The following EYS variants were observed in gnomAD, a reference collection of about 807,000 sequenced individuals.
EYS encodes the protein EGF-like photoreceptor maintenance factor, also known as protein eyes shut homolog.
EYS carries 250 observed loss-of-function variants against 282.1 expected under a neutral mutation model. That is an observed-to-expected ratio of 0.89 (90% CI 0.80 to 0.98). The LOEUF is 0.98. EYS is among the 50% of genes least tolerant of loss of function. EYS has a pLI of 0.00. For synonymous variants in EYS, 1,355 were observed against 1,282.9 expected (o/e 1.06, Z -1.20); for missense variants, 4,016 against 3,709.0 (o/e 1.08, Z -2.15).
At chr6:63,746,519 C>A (rs1279994631) in intron 41 of EYS, among the ~76,000 whole-genome samples, 1 of 152,120 alleles carries the variant, frequency 6.6e-6, no homozygotes, top group Non-Finnish European at 1.5e-5. Flanking sequence ...CCTCTTTGTA[C>A]CTCTGGTAGA....
At position 64,678,814 on chromosome 6, in the gene EYS, G is replaced by A. The variant is rs527247923; in HGVS notation, c.3444-52569C>T. 7.2e-5 allele frequency among the ~76,000 whole-genome samples: 11 copies of A among 151,814 alleles called. No homozygotes were observed. The East Asian group carries it at 9.8e-4, about 13-fold the overall frequency. On this transcript the variant is annotated intron_variant, in intron 22 of 42. Coordinates refer to ENST00000503581, the MANE Select transcript of EYS (RefSeq NM_001142800.2). ...AGCCTGGCCAACATGGTGAAACCCC[G>A]TCTCCACTAAAGACACAAAACAATT...
chr6:64,022,962 T>C (rs144732411), intron 33 of EYS, among the ~76,000 whole-genome samples: 1 of 152,242 alleles, frequency 6.6e-6, no homozygotes, highest in Non-Finnish European at 1.5e-5. Context: ...AGATTTGTCT[T>C]TAATTTTTTA....
intron 24 of EYS, among the ~76,000 whole-genome samples, chr6:64,608,263 G>C (rs1005627716): frequency 2.0e-5 from 3 of 152,026 alleles, no homozygotes; most frequent in Non-Finnish European, 4.4e-5. Context: ...ACAGAAGTAG[G>C]TAATATGTGC....
At chr6:63,954,101 T>G (rs1765712196) in intron 35 of EYS, among the ~76,000 whole-genome samples, 1 of 152,224 alleles carries the variant, frequency 6.6e-6, no homozygotes, top group Admixed American at 6.5e-5. Context: ...GGTCCAGACT[T>G]CAATCCAGCT....
intron 22 of EYS, among the ~76,000 whole-genome samples, chr6:64,769,548 A>T (rs1773462374): frequency 6.6e-6 from 1 of 152,226 alleles, no homozygotes; most frequent in East Asian, 1.9e-4. Context: ...TGGCCTACAT[A>T]GTTCCCACCT....
intron 26 of EYS, among the ~76,000 whole-genome samples, chr6:64,473,298 T>C (rs1041542401): frequency 3.3e-5 from 5 of 152,210 alleles, no homozygotes; most frequent in Non-Finnish European, 7.3e-5. Context: ...GCAAATTTAG[T>C]GGCATACTAA....
At chr6:65,240,752 C>T (rs2150275609) in intron 12 of EYS, among the ~76,000 whole-genome samples, 1 of 152,250 alleles carries the variant, frequency 6.6e-6, no homozygotes, top group East Asian at 1.9e-4. Context: ...CATACAATTG[C>T]ATGTGTCTTT....
chr6:64,672,989 C>G (rs1769519112), intron 22 of EYS, among the ~76,000 whole-genome samples: 1 of 152,142 alleles, frequency 6.6e-6, no homozygotes, highest in Non-Finnish European at 1.5e-5. Context: ...TAGAAACATT[C>G]CTTTTCAACT....
intron 15 of EYS, among the ~76,000 whole-genome samples, chr6:64,945,124 T>TAAAA (rs763133866): frequency 1.3e-4 from 15 of 112,252 alleles, no homozygotes; most frequent in African/African-American, 1.7e-4. Context: ...GTTTCTCTAT[T>TAAAA]AAAAAAAAAA....
chr6:65,449,633 A>AT (rs1764329204), intron 5 of EYS, among the ~76,000 whole-genome samples: 1 of 152,120 alleles, frequency 6.6e-6, no homozygotes, highest in Non-Finnish European at 1.5e-5. Flanking sequence ...AAATCAAACA[A>AT]TTCATTCAAG....
chr6:65,610,412 G>T (rs550433040), intron 2 of EYS, among the ~76,000 whole-genome samples: 35 of 152,104 alleles, frequency 2.3e-4, no homozygotes, highest in African/African-American at 7.9e-4. Context: ...GGGCAGAAAA[G>T]GATACGCAGA....
chr6:65,018,670 T>C (rs1451008143), intron 13 of EYS, among the ~76,000 whole-genome samples: 1 of 152,160 alleles, frequency 6.6e-6, no homozygotes, highest in Non-Finnish European at 1.5e-5. Flanking sequence ...GGTTTTTCTG[T>C]ATGTTGGTTT....
chr6:65,059,510 A>G lies in EYS; in HGVS notation c.2024-1783T>C, dbSNP rs189865099. Among the ~76,000 whole-genome samples, 384 of 152,264 alleles carry G rather than the reference A, an allele frequency of 2.5e-3. 1 individual carries two copies. Among genetic ancestry groups the G allele is most frequent in the African/African-American group, 8.8e-3 (366 of 41,576 alleles). On this transcript the variant is annotated intron_variant, in intron 12 of 42. Transcript: ENST00000503581. ...CCTCCTACAGAGACTGGGAGATTAC[A>G]TATGCTATCTTCCTTACACTTCAAA...
intron 11 of EYS, 138 bp from the exon 12 acceptor site, chr6:65,296,257 A>C: frequency 1.1e-6 from 1 of 924,398 alleles, no homozygotes; most frequent in Non-Finnish European, 1.5e-6. Context: ...TTTAAAAAAT[A>C]TTTTCATAAA....
chr6:64,171,887 C>T (rs1764491560), intron 31 of EYS, among the ~76,000 whole-genome samples: 1 of 152,158 alleles, frequency 6.6e-6, no homozygotes, highest in African/African-American at 2.4e-5. Context: ...CCAGCGTTCA[C>T]ATCAAGGAGT....
intron 19 of EYS, among the ~76,000 whole-genome samples, chr6:64,863,820 A>T (rs1766326758): frequency 6.6e-6 from 1 of 152,150 alleles, no homozygotes; most frequent in Non-Finnish European, 1.5e-5. Flanking sequence ...ATTCAACCAA[A>T]AATCTAGGGC....
chr6:65,102,432 G>T (rs2150183962), intron 12 of EYS, among the ~76,000 whole-genome samples: 1 of 151,148 alleles, frequency 6.6e-6, no homozygotes, highest in Non-Finnish European at 1.5e-5. Context: ...GACAAACCCA[G>T]TATTCATTTC....
At chr6:65,450,612 T>A (rs1323410987) in intron 5 of EYS, among the ~76,000 whole-genome samples, 26 of 152,120 alleles carry the variant, frequency 1.7e-4, no homozygotes, top group Admixed American at 1.7e-3. Context: ...TATCCCTCCC[T>A]CTTTCAGTCA....
intron 12 of EYS, among the ~76,000 whole-genome samples, chr6:65,178,858 T>A (rs1765297080): frequency 6.6e-6 from 1 of 152,030 alleles, no homozygotes; most frequent in Non-Finnish European, 1.5e-5. Flanking sequence ...TATAACAAAC[T>A]GTCTCTCAGA....
Sources: allele counts gnomAD v4.1 joint callset (sites outside exome capture counted in the v4.1 genomes callset), GRCh38; gene constraint gnomAD v4.1.1; transcripts MANE v1.5; gene names NCBI Gene and HGNC (gene_info 2026-07-23, HGNC 2026-07-21).